KDM2B: variants seen among roughly 807,000 people sequenced by gnomAD.
KDM2B encodes lysine demethylase 2B, also known as lysine-specific demethylase 2B.
KDM2B carries 26 observed loss-of-function variants against 150.0 expected under a neutral mutation model. That is an observed-to-expected ratio of 0.17 (90% confidence interval 0.13 to 0.24). The LOEUF is 0.24. KDM2B is among the 10% of genes least tolerant of loss of function. KDM2B has a pLI of 1.00. For missense variants in KDM2B, 1,265 were observed against 1,816.9 expected (o/e 0.70, Z 5.52); for synonymous variants, 734 against 729.5 (o/e 1.01, Z -0.10).
At chr12:121,493,731 T>C (rs1593939908) in intron 12 of KDM2B, 4 of 152,226 alleles carry the variant, frequency 2.6e-5, no homozygotes, top group Non-Finnish European at 5.9e-5. Flanking sequence ...TGCTGAAGCG[T>C]AAATAAGATA....
chr12:121,518,771 A>G lies in KDM2B; in HGVS notation c.1047+2214T>C, dbSNP rs1436930956. 3.3e-5 allele frequency among the ~76,000 whole-genome samples: 5 copies of G among 152,312 alleles called. No individual in the cohort carries two copies. The highest frequency in any genetic ancestry group is 1.2e-4 in the African/African-American group (5 of 41,568). Reference sequence around the variant, plus strand: ...TCCGGCTTTCAGGAATTGCCTGGAAAGTCGTGGGCCTGACTTCCACTAGAT... The same window carrying G: ...TCCGGCTTTCAGGAATTGCCTGGAAGGTCGTGGGCCTGACTTCCACTAGAT... On this transcript the variant is annotated intron_variant, in intron 9 of 22. Coordinates refer to ENST00000377071, the MANE Select transcript of KDM2B (RefSeq NM_032590.5). The surrounding 1 kb of genome is among the most constrained non-coding windows in gnomAD (Gnocchi z 4.4).
chr12:121,561,374 G>T (rs1261067468), intron 4 of KDM2B, among the ~76,000 whole-genome samples: 1 of 152,106 alleles, frequency 6.6e-6, no homozygotes, highest in African/African-American at 2.4e-5. Context: ...CCTCATCCGT[G>T]TCACACAGGT....
intron 22 of KDM2B, among the ~76,000 whole-genome samples, chr12:121,438,981 C>T (rs2137860585): frequency 6.6e-6 from 1 of 152,336 alleles, no homozygotes; most frequent in East Asian, 1.9e-4. Context: ...GTGTACCTCG[C>T]TGCATACTGG....
upstream of KDM2B, among the ~76,000 whole-genome samples, chr12:121,581,656 T>C (rs1891969455): frequency 6.6e-6 from 1 of 152,210 alleles, no homozygotes; most frequent in Non-Finnish European, 1.5e-5. Flanking sequence ...GCTTTGAGCC[T>C]GACATTTTAT....
At chr12:121,563,599 T>G (rs1196247189) in intron 4 of KDM2B, among the ~76,000 whole-genome samples, 2 of 145,702 alleles carry the variant, frequency 1.4e-5, no homozygotes, top group African/African-American at 5.1e-5. Context: ...AGAGTGAGAC[T>G]CTGCCAAAAA....
chr12:121,416,373 AGAAG>A, the KDM2B span: 1 of 1,606,760 alleles, frequency 6.2e-7, no homozygotes. Context: ...GTCTTTAGAA[AGAAG>A]GTGAGTTGGA....
Position 121,510,011 on chromosome 12 carries a change from G to T in KDM2B, c.1203C>A (p.Gly401=). The T allele has an allele frequency of 6.3e-7, 1 of 1,580,856 alleles. No homozygotes were observed. ...TCTCCAGCCAGGAATCCGAAGAGAA[G>T]CCGTCTATGCTGGGCTTCCTCGGGG... ...IDAPRKPSID[G]FSSDSWLEME... is the part of the protein sequence containing the mutation. Residue 401 remains glycine, a synonymous_variant, in exon 11 of 23, where the codon GGC becomes GGA. Coordinates refer to ENST00000377071, the MANE Select transcript of KDM2B (RefSeq NM_032590.5).
intron 6 of KDM2B, among the ~76,000 whole-genome samples, chr12:121,544,021 G>A (rs1888814676): frequency 6.6e-6 from 1 of 150,880 alleles, no homozygotes; most frequent in African/African-American, 2.4e-5. Context: ...GGCTGAGAAA[G>A]GGAGGATTGC....
At chr12:121,514,635 C>A (rs1231290117) in intron 9 of KDM2B, among the ~76,000 whole-genome samples, 2 of 151,738 alleles carry the variant, frequency 1.3e-5, no homozygotes, top group African/African-American at 4.8e-5. Flanking sequence ...AAGCCCTCCT[C>A]CCCTCCCTGA....
At chr12:121,428,525 G>C (rs1555284591), downstream of KDM2B, among the ~76,000 whole-genome samples, 1 of 152,128 alleles carries the variant, frequency 6.6e-6, no homozygotes, top group Non-Finnish European at 1.5e-5. Flanking sequence ...GGGACAAATA[G>C]AAAACTCAGC....
chr12:121,549,355 A>G lies in KDM2B; in HGVS notation c.576+105T>C. The G allele has an allele frequency of 9.2e-7, 1 of 1,083,352 alleles. No homozygotes were observed. Among genetic ancestry groups the G allele is most frequent in the Non-Finnish European group, 1.3e-6 (1 of 750,808 alleles). 67.1% of individuals were successfully genotyped at this position (1,083,352 alleles called of 1,614,324 possible). A position where few individuals can be genotyped will look rare whatever the true frequency, so the allele number is the denominator to read the frequency against. On this transcript the variant is annotated intron_variant, in intron 5 of 22. Coordinates refer to ENST00000377071, the MANE Select transcript of KDM2B (RefSeq NM_032590.5). This position sits in a 1 kb window ranked among gnomAD's most constrained non-coding sequence, Gnocchi z 4.4. ...CTATGCCTGCCAAGCCCAGCCAGCCACACCCACATGAGCCTTTTTGCAAGG... is the reference window on the plus strand; with the variant it reads ...CTATGCCTGCCAAGCCCAGCCAGCCGCACCCACATGAGCCTTTTTGCAAGG...
At chr12:121,492,697 C>T (rs367724482) in intron 12 of KDM2B, among the ~76,000 whole-genome samples, 10 of 150,234 alleles carry the variant, frequency 6.7e-5, no homozygotes, top group Middle Eastern at 3.4e-3. Context: ...GGCATGGTGG[C>T]GGGTGCCTGT....
rs547652298 is a variant in KDM2B at position 121,465,303 on chromosome 12, T to C, written c.1735-11959A>G. On this transcript the variant is annotated intron_variant, in intron 12 of 22. Transcript: ENST00000377071. Reference sequence around the variant, plus strand: ...AGTGCAGTGGCACGATCTCGGCTCATTGCAACCGCAACCTCCGCCTCCTGG... The same window carrying C: ...AGTGCAGTGGCACGATCTCGGCTCACTGCAACCGCAACCTCCGCCTCCTGG... 2.0e-3 allele frequency among the ~76,000 whole-genome samples: 300 copies of C among 152,236 alleles called. 4 individuals carry two copies. The South Asian group carries it at 0.038, about 19-fold the overall frequency.
At chr12:121,505,609 C>A (rs1365055139) in intron 11 of KDM2B, among the ~76,000 whole-genome samples, 1 of 152,144 alleles carries the variant, frequency 6.6e-6, no homozygotes, top group Non-Finnish European at 1.5e-5. Flanking sequence ...CAAAACCTAG[C>A]CATCTAGGGA....
At chr12:121,484,809 C>T (rs1593910214) in intron 12 of KDM2B, among the ~76,000 whole-genome samples, 3 of 152,026 alleles carry the variant, frequency 2.0e-5, no homozygotes, top group Middle Eastern at 3.4e-3. Context: ...CAGAGCAAGA[C>T]CCTGTCTCAG....
At chr12:121,445,528 C>T in intron 13 of KDM2B, 110 bp from the exon 14 acceptor site, 1 of 1,143,640 alleles carries the variant, frequency 8.7e-7, no homozygotes, top group Non-Finnish European at 1.2e-6. Context: ...CCAGGAGACC[C>T]CCGGAAAGTG....
intron 6 of KDM2B, among the ~76,000 whole-genome samples, chr12:121,543,071 G>A (rs1396774781): frequency 2.0e-5 from 3 of 152,178 alleles, no homozygotes; most frequent in Admixed American, 1.3e-4. Context: ...ACTGAGGCCC[G>A]GCGCAGTGGG....
At position 121,430,523 on chromosome 12, in the gene KDM2B, C is replaced by G. The variant is rs540987624; in HGVS notation, c.3830-54G>C. 6.5e-6 allele frequency: 9 copies of G among 1,394,558 alleles called. No individual in the cohort carries two copies. Among genetic ancestry groups the G allele is most frequent in the Middle Eastern group, 1.8e-4 (1 of 5,568 alleles). 86.4% of individuals were successfully genotyped at this position (1,394,558 alleles called of 1,614,324 possible). A position where few individuals can be genotyped will look rare whatever the true frequency, so the allele number is the denominator to read the frequency against. ...GTGAAGGCCAGGAGCCAGAAGCCCC[C>G]CCGCCGCCAGACCCAGGCACTCAGC... On this transcript the variant is annotated intron_variant, in intron 22 of 22. Coordinates refer to ENST00000377071, the MANE Select transcript of KDM2B (RefSeq NM_032590.5). The surrounding 1 kb of genome is among the most constrained non-coding windows in gnomAD (Gnocchi z 4.4).
Position 121,462,496 on chromosome 12 carries a change from CT to C in KDM2B, c.1735-9153del, listed in dbSNP as rs1252083117. On this transcript the variant is annotated intron_variant, in intron 12 of 22. Transcript: ENST00000377071. The stretch of plus-strand genomic sequence containing the variant: ...CAGAGGCCCCTGTCTTAAAATTTCA[CT>C]TTTTTTTTTTTTTTGAGACGGAGTC... 4.1e-3 allele frequency among the ~76,000 whole-genome samples: 590 copies of C among 144,630 alleles called. 2 individuals are homozygous for C. The highest frequency in any genetic ancestry group is 0.011 in the African/African-American group (419 of 39,766). The allele number at this position is 144,630 out of a possible 152,430, so 94.9% of individuals were successfully genotyped here. A position where few individuals can be genotyped will look rare whatever the true frequency, so the allele number is the denominator to read the frequency against.
Sources: gnomAD v4.1 joint callset for allele counts (sites outside exome capture counted in the v4.1 genomes callset) on GRCh38, gnomAD v4.1.1 for gene constraint, Gnocchi (gnomAD v3.1) non-coding constraint, MANE v1.5 for transcripts, NCBI Gene and HGNC (gene_info 2026-07-23, HGNC 2026-07-21) for gene names.